BBX: variants seen among roughly 807,000 people sequenced by gnomAD.
BBX encodes the protein HMG box transcription factor BBX.
Under a neutral mutation model 100.2 loss-of-function variants are expected in BBX, and 30 were observed. The observed-to-expected ratio is 0.30, with a 90% CI of 0.22 to 0.41. The LOEUF (loss-of-function observed/expected upper bound fraction) is 0.41. Among genes scored for constraint, BBX ranks in the 10% least tolerant of loss-of-function variants. The probability of loss-of-function intolerance (pLI) is 1.00; values close to 1 mark genes in which losing one functional copy is unlikely to be tolerated. For missense variants in BBX, 1,023 were observed against 1,129.8 expected (o/e 0.91, Z 1.35); for synonymous variants, 376 against 388.1 (o/e 0.97, Z 0.37).
chr3:107,793,828 C>T (rs1028664968), intron 15 of BBX, among the ~76,000 whole-genome samples: 6 of 151,990 alleles, frequency 3.9e-5, no homozygotes, highest in African/African-American at 1.5e-4. Flanking sequence ...CTTTATACTG[C>T]CCTGTGTACA....
chr3:107,588,419 A>G (rs1282401), intron 2 of BBX, among the ~76,000 whole-genome samples: 113,857 of 152,050 alleles, frequency 0.75, 43,936 homozygotes, highest in Middle Eastern at 0.83. Context: ...GGATTGAGTA[A>G]CCATTTCATG....
intron 2 of BBX, among the ~76,000 whole-genome samples, chr3:107,546,419 A>G (rs1474639088): frequency 2.0e-5 from 3 of 152,214 alleles, no homozygotes; most frequent in Non-Finnish European, 4.4e-5. Context: ...TTTTTGTGAC[A>G]TAAAACCCAG....
At chr3:107,799,293 G>A (rs77885307) in intron 16 of BBX, among the ~76,000 whole-genome samples, 3,435 of 152,264 alleles carry the variant, frequency 0.023, 138 homozygotes, top group African/African-American at 0.079. Context: ...GCTTTAGACA[G>A]AGATAACCAG....
chr3:107,717,078 A>G (rs1314961676), intron 5 of BBX, among the ~76,000 whole-genome samples: 2 of 152,198 alleles, frequency 1.3e-5, no homozygotes, highest in Non-Finnish European at 2.9e-5. Flanking sequence ...ATTAACAAAA[A>G]GTTTTTTCTC....
intron 7 of BBX, among the ~76,000 whole-genome samples, chr3:107,735,164 C>T (rs1285504656): frequency 1.3e-5 from 2 of 152,104 alleles, no homozygotes; most frequent in African/African-American, 4.8e-5. Context: ...GAATTTACTT[C>T]ACAGCTATCA....
At chr3:107,786,449 A>G (rs1353139410) in intron 13 of BBX, among the ~76,000 whole-genome samples, 1 of 152,202 alleles carries the variant, frequency 6.6e-6, no homozygotes, top group Non-Finnish European at 1.5e-5. Context: ...AAAGACAGAC[A>G]TATAAATCAG....
At chr3:107,706,047 A>G (rs13323455) in intron 3 of BBX, among the ~76,000 whole-genome samples, 16,725 of 137,658 alleles carry the variant, frequency 0.12, 1,305 homozygotes, top group Middle Eastern at 0.2. Flanking sequence ...TTTTTGATAC[A>G]GAGTCTCACT....
chr3:107,711,725 A>G (rs950228988), intron 4 of BBX, among the ~76,000 whole-genome samples: 7 of 152,124 alleles, frequency 4.6e-5, no homozygotes, highest in East Asian at 1.9e-4. Flanking sequence ...ACTTGAGGGT[A>G]TTATCAAGCT....
At chr3:107,619,256 GCCTA>G (rs1244219087) in intron 2 of BBX, among the ~76,000 whole-genome samples, 2 of 151,776 alleles carry the variant, frequency 1.3e-5, no homozygotes, top group South Asian at 2.1e-4. Context: ...TTTACTTTCA[GCCTA>G]CCTATGTCAT....
At chr3:107,585,159 G>T (rs961402752) in intron 2 of BBX, among the ~76,000 whole-genome samples, 2 of 152,074 alleles carry the variant, frequency 1.3e-5, no homozygotes, top group Non-Finnish European at 2.9e-5. Context: ...GAAACAATAA[G>T]GTGAGGAGGT....
At chr3:107,631,399 A>G (rs2056539634) in intron 2 of BBX, among the ~76,000 whole-genome samples, 1 of 152,252 alleles carries the variant, frequency 6.6e-6, no homozygotes. Context: ...GTGAAGTGTT[A>G]GGATAAAATT....
At chr3:107,701,888 T>C (rs2061084830) in intron 3 of BBX, among the ~76,000 whole-genome samples, 1 of 152,180 alleles carries the variant, frequency 6.6e-6, no homozygotes, top group Non-Finnish European at 1.5e-5. Flanking sequence ...AGATATAATC[T>C]CTTAGCTCTG....
intron 2 of BBX, among the ~76,000 whole-genome samples, chr3:107,590,617 T>TA (rs768296012): frequency 6.6e-6 from 1 of 152,202 alleles, no homozygotes; most frequent in Non-Finnish European, 1.5e-5. Context: ...ACATCTATCT[T>TA]ACATTCGTTT....
In BBX at chr3:107,626,654, A is replaced by AT. The variant is rs11331777; in HGVS notation, c.-83-19164dup. ...CTCACCATGTGGACCTTTCCATAGG[A>AT]TTTTTTTTTTTTTTTTTTGAGATGG... On this transcript the variant is annotated intron_variant, in intron 2 of 17. Coordinates refer to ENST00000325805, the MANE Select transcript of BBX (RefSeq NM_001142568.3). Among the ~76,000 whole-genome samples the AT allele has an allele frequency of 7.7e-3, 1,007 of 131,444 alleles. 18 individuals carry two copies. The highest frequency in any genetic ancestry group is 0.024 in the African/African-American group (828 of 34,400). The allele number at this position is 131,444 out of a possible 152,430, so 86.2% of individuals were successfully genotyped here.
intron 3 of BBX, among the ~76,000 whole-genome samples, chr3:107,691,634 A>G (rs1334523693): frequency 6.6e-6 from 1 of 152,242 alleles, no homozygotes; most frequent in Non-Finnish European, 1.5e-5. Flanking sequence ...ATAGCATCCT[A>G]TGCATTCTAA....
intron 2 of BBX, among the ~76,000 whole-genome samples, chr3:107,608,202 G>A (rs948992829): frequency 6.6e-6 from 1 of 151,932 alleles, no homozygotes; most frequent in African/African-American, 2.4e-5. Flanking sequence ...TGAGGTCTTC[G>A]ATTTAAGTCT....
chr3:107,556,523 C>A (rs752279063), intron 2 of BBX, among the ~76,000 whole-genome samples: 1 of 152,002 alleles, frequency 6.6e-6, no homozygotes, highest in African/African-American at 2.4e-5. Context: ...TGCAGTTATT[C>A]CTTTGATTAA....
At chr3:107,630,417 G>C (rs946594612) in intron 2 of BBX, among the ~76,000 whole-genome samples, 1 of 148,970 alleles carries the variant, frequency 6.7e-6, no homozygotes, top group African/African-American at 2.6e-5. Flanking sequence ...CACGATGCGA[G>C]GGGGGAACTC....
intron 17 of BBX, among the ~76,000 whole-genome samples, chr3:107,802,896 G>A (rs1194506939): frequency 6.6e-6 from 1 of 152,040 alleles, no homozygotes; most frequent in African/African-American, 2.4e-5. Context: ...CCTAGTCCCC[G>A]GTCCTCTTCT....
Sources: gnomAD v4.1 joint callset for allele counts (sites outside exome capture counted in the v4.1 genomes callset) on GRCh38, gnomAD v4.1.1 for gene constraint, MANE v1.5 for transcripts, NCBI Gene and HGNC (gene_info 2026-07-23, HGNC 2026-07-21) for gene names.